Variants in CTNNA3 observed in about 807,000 individuals in gnomAD.
The protein encoded by CTNNA3 is catenin alpha-3.
CTNNA3 carries 76 observed loss-of-function variants against 95.7 expected under a neutral mutation model. The observed-to-expected ratio is 0.79, with a 90% CI of 0.66 to 0.96. The LOEUF (loss-of-function observed/expected upper bound fraction) is 0.96. Ranked by LOEUF, CTNNA3 falls within the 40% of genes least tolerant of loss-of-function variation. The probability of loss-of-function intolerance (pLI) is 0.00; values close to 1 mark genes in which losing one functional copy is unlikely to be tolerated. For missense variants in CTNNA3, 1,191 were observed against 1,089.8 expected (o/e 1.09, Z -1.31); for synonymous variants, 431 against 374.4 (o/e 1.15, Z -1.74).
intron 11 of CTNNA3, among the ~76,000 whole-genome samples, chr10:66,422,010 T>G (rs1246825544): frequency 6.6e-6 from 1 of 150,590 alleles, no homozygotes; most frequent in East Asian, 1.9e-4. Context: ...GGACATGGAT[T>G]GTATTTTTTC....
At chr10:66,205,275 C>A (rs12764666) in intron 13 of CTNNA3, among the ~76,000 whole-genome samples, 12,584 of 151,882 alleles carry the variant, frequency 0.083, 696 homozygotes, top group Non-Finnish European at 0.13. Flanking sequence ...TGATGACACC[C>A]ATTTTTTTAA....
At chr10:66,218,535 G>A (rs2088703232) in intron 13 of CTNNA3, among the ~76,000 whole-genome samples, 1 of 152,114 alleles carries the variant, frequency 6.6e-6, no homozygotes, top group Non-Finnish European at 1.5e-5. Flanking sequence ...AAAGTGAATC[G>A]TTCAGCCCCA....
intron 9 of CTNNA3, among the ~76,000 whole-genome samples, chr10:66,740,241 C>T (rs1409881502): frequency 6.6e-6 from 1 of 152,194 alleles, no homozygotes; most frequent in Non-Finnish European, 1.5e-5. Context: ...AAGAATACCA[C>T]CATGTACTTT....
chr10:67,708,560 A>G (rs1305708638), intron 1 of CTNNA3, among the ~76,000 whole-genome samples: 2 of 152,210 alleles, frequency 1.3e-5, no homozygotes, highest in Admixed American at 1.3e-4. Context: ...CTTCTGAAGC[A>G]TTAACACACT....
Position 66,239,450 on chromosome 10 carries a change from A to G in CTNNA3, c.1884+41020T>C, listed in dbSNP as rs193131333. On this transcript the variant is annotated intron_variant, in intron 13 of 17. Coordinates refer to ENST00000433211, the MANE Select transcript of CTNNA3 (RefSeq NM_013266.4). ...AGACTGTTCACTTTTGCAATGGACT[A>G]GTACTACAATTGTCTTTCGATAGCC... 1.9e-4 allele frequency among the ~76,000 whole-genome samples: 29 copies of G among 152,074 alleles called. No individual in the cohort carries two copies. The East Asian group carries it at 4.1e-3, about 21-fold the overall frequency.
intron 16 of CTNNA3, among the ~76,000 whole-genome samples, chr10:65,974,232 G>A (rs1564551126): frequency 1.3e-5 from 2 of 152,058 alleles, no homozygotes; most frequent in Non-Finnish European, 2.9e-5. Context: ...CACTCATCCC[G>A]TTACTATGTA....
At chr10:67,322,123 A>G (rs987209136) in intron 5 of CTNNA3, among the ~76,000 whole-genome samples, 15 of 151,822 alleles carry the variant, frequency 9.9e-5, no homozygotes, top group African/African-American at 3.6e-4. Flanking sequence ...TTGAAAAAAA[A>G]AGACCTTTTA....
intron 7 of CTNNA3, among the ~76,000 whole-genome samples, chr10:67,070,189 G>T (rs1374366425): frequency 6.6e-6 from 1 of 152,072 alleles, no homozygotes; most frequent in African/African-American, 2.4e-5. Context: ...TTGCAATTTG[G>T]ATATCCTCTT....
intron 12 of CTNNA3, among the ~76,000 whole-genome samples, chr10:66,329,182 C>T (rs1207609127): frequency 1.3e-5 from 2 of 151,518 alleles, no homozygotes; most frequent in Non-Finnish European, 2.9e-5. Context: ...AACCCCTGAC[C>T]TCAGGTGATA....
At chr10:66,993,651 T>A (rs1279505264) in intron 7 of CTNNA3, among the ~76,000 whole-genome samples, 1 of 151,696 alleles carries the variant, frequency 6.6e-6, no homozygotes, top group Non-Finnish European at 1.5e-5. Flanking sequence ...CAACAAATGT[T>A]TATTGAGTAC....
intron 1 of CTNNA3, among the ~76,000 whole-genome samples, chr10:67,711,672 C>T (rs1012141047): frequency 9.9e-5 from 15 of 151,334 alleles, no homozygotes; most frequent in Admixed American, 2.0e-4. Context: ...CATGCTGGTG[C>T]GCTGCACCCA....
intron 5 of CTNNA3, among the ~76,000 whole-genome samples, chr10:67,433,465 T>C (rs1174064211): frequency 6.6e-6 from 1 of 152,032 alleles, no homozygotes; most frequent in African/African-American, 2.4e-5. Flanking sequence ...GACCACACGC[T>C]GTTGGGAAAA....
chr10:66,323,745 G>C (rs141341895), intron 12 of CTNNA3, among the ~76,000 whole-genome samples: 1 of 151,854 alleles, frequency 6.6e-6, no homozygotes. Context: ...ATGAGAACAG[G>C]CATTTCTGTT....
chr10:67,319,406 G>A (rs986215807), intron 5 of CTNNA3, among the ~76,000 whole-genome samples: 26 of 152,080 alleles, frequency 1.7e-4, no homozygotes, highest in Admixed American at 9.2e-4. Flanking sequence ...ACCCCAACCC[G>A]GTAGCACACT....
chr10:66,623,802 C>A (rs1844836074), intron 9 of CTNNA3, among the ~76,000 whole-genome samples: 1 of 152,206 alleles, frequency 6.6e-6, no homozygotes, highest in South Asian at 2.1e-4. Flanking sequence ...TGTGACAAAA[C>A]AGAAAAGTGT....
intron 9 of CTNNA3, among the ~76,000 whole-genome samples, chr10:66,724,495 C>T (rs976098757): frequency 6.6e-6 from 1 of 152,182 alleles, no homozygotes; most frequent in African/African-American, 2.4e-5. Flanking sequence ...TGGTTTTTGG[C>T]AGAAGATTTA....
chr10:66,342,833 ATAT>A (rs2092467103), intron 12 of CTNNA3, among the ~76,000 whole-genome samples: 1 of 152,042 alleles, frequency 6.6e-6, no homozygotes, highest in South Asian at 2.1e-4. Context: ...TTTTTGGAAG[ATAT>A]TATCTTTGTC....
chr10:66,154,613 C>G (rs75853762), intron 13 of CTNNA3, among the ~76,000 whole-genome samples: 26,118 of 149,902 alleles, frequency 0.17, 2,719 homozygotes, highest in South Asian at 0.4. Flanking sequence ...GTGGCTTCCA[C>G]CAACAATTTT....
intron 3 of CTNNA3, among the ~76,000 whole-genome samples, chr10:67,560,637 A>G (rs933233555): frequency 1.8e-4 from 28 of 152,172 alleles, no homozygotes; most frequent in African/African-American, 6.0e-4. Flanking sequence ...ACACATAACA[A>G]TATTAACTTT....
Sources: gnomAD v4.1 joint callset for allele counts (sites outside exome capture counted in the v4.1 genomes callset) on GRCh38, gnomAD v4.1.1 for gene constraint, MANE v1.5 for transcripts, NCBI Gene and HGNC (gene_info 2026-07-23, HGNC 2026-07-21) for gene names.